TMEM63C: variants seen among roughly 807,000 people sequenced by gnomAD.
The protein encoded by TMEM63C is transmembrane protein 63C.
Under a neutral mutation model 99.2 loss-of-function variants are expected in TMEM63C, and 32 were observed. That is an observed-to-expected ratio of 0.32 (90% CI 0.24 to 0.43). The LOEUF (loss-of-function observed/expected upper bound fraction) is 0.43, where lower values mean the gene tolerates loss of function less well. TMEM63C is among the 20% of genes least tolerant of loss of function. The pLI, the probability that TMEM63C is intolerant of heterozygous loss-of-function variation, is 1.00. For missense variants in TMEM63C, 826 were observed against 1,053.0 expected (o/e 0.78, Z 2.98); for synonymous variants, 376 against 397.9 (o/e 0.94, Z 0.66).
chr14:77,254,913 G>T (rs1418914879), intron 23 of TMEM63C, among the ~76,000 whole-genome samples: 1 of 152,180 alleles, frequency 6.6e-6, no homozygotes, highest in East Asian at 1.9e-4. Flanking sequence ...TATATACTAT[G>T]TATCTCTTCC....
chr14:77,233,528 C>T (rs1458095217), intron 8 of TMEM63C, 28 bp downstream of exon 8: 1 of 1,611,466 alleles, frequency 6.2e-7, no homozygotes. Context: ...ACCTCCCATT[C>T]CATTGGCTGG....
intron 16 of TMEM63C, among the ~76,000 whole-genome samples, chr14:77,244,734 C>T (rs436221): frequency 0.75 from 114,649 of 152,162 alleles, 45,945 homozygotes; most frequent in East Asian, 0.9. Context: ...CTCCCTCAGC[C>T]CCCAGCCATA....
intron 14 of TMEM63C, 82 bp downstream of exon 14, chr14:77,242,551 T>C (rs1889196292): frequency 6.5e-7 from 1 of 1,544,498 alleles, no homozygotes; most frequent in Non-Finnish European, 8.8e-7. Context: ...TCTCTCCCCA[T>C]GTCATTGCCC....
intron 11 of TMEM63C, 41 bp downstream of exon 11, chr14:77,239,533 TA>T (rs750661048): frequency 3.7e-6 from 6 of 1,611,140 alleles, no homozygotes; most frequent in Non-Finnish European, 5.1e-6. Context: ...GGGGTGGGGG[TA>T]AAAGGGGAGG....
At chr14:77,243,294 T>A (rs1035104758) in intron 15 of TMEM63C, among the ~76,000 whole-genome samples, 1 of 151,432 alleles carries the variant, frequency 6.6e-6, no homozygotes, top group Non-Finnish European at 1.5e-5. Flanking sequence ...GAGTGGGGAG[T>A]CCACAGGCAG....
Position 77,256,814 on chromosome 14 carries a change from C to A in TMEM63C, c.*88C>A. On this transcript the variant is annotated 3_prime_UTR_variant, in exon 24 of 24. Transcript: ENST00000298351. Reference sequence around the variant, plus strand: ...GGCAGGAGGGTGGCCTGGACCTCCCCACTACCTCCTGCAGACTTTGAGAAG... The same window carrying A: ...GGCAGGAGGGTGGCCTGGACCTCCCAACTACCTCCTGCAGACTTTGAGAAG... The A allele has an allele frequency of 8.0e-7, 1 of 1,253,592 alleles. No homozygotes were observed. The allele number at this position is 1,253,592 out of a possible 1,614,324, so 77.7% of individuals were successfully genotyped here. A position where few individuals can be genotyped will look rare whatever the true frequency, so the allele number is the denominator to read the frequency against.
chr14:77,231,624 G>A lies in TMEM63C; in HGVS notation c.387G>A (p.Ala129=), dbSNP rs375566. The part of the protein sequence containing the change: ...EDLINKCGDD[A]RIYIVFQYHL... Reference sequence around the variant, plus strand: ...TGATTAACAAGTGTGGGGACGACGCGCGCATCTACATCGTGTTCCAGTACC... The same window carrying A: ...TGATTAACAAGTGTGGGGACGACGCACGCATCTACATCGTGTTCCAGTACC... The change falls in exon 7 of 24, where the codon GCG becomes GCA. Residue 129 remains alanine, a synonymous_variant. Transcript: ENST00000298351. 7.4e-5 allele frequency: 115 copies of A among 1,551,474 alleles called. No homozygotes were observed. Among genetic ancestry groups the A allele is most frequent in the Admixed American group, 9.8e-5 (5 of 50,968 alleles).
chr14:77,228,432 A>G (rs2140116461), intron 6 of TMEM63C, among the ~76,000 whole-genome samples: 1 of 152,218 alleles, frequency 6.6e-6, no homozygotes, highest in African/African-American at 2.4e-5. Flanking sequence ...AGGGAGGGAA[A>G]CGTTTAGCCG....
At chr14:77,244,199 C>G (rs1162141423) in intron 15 of TMEM63C, 150 bp from the exon 16 acceptor site, 1 of 648,376 alleles carries the variant, frequency 1.5e-6, no homozygotes, top group Non-Finnish European at 2.7e-6. Context: ...CAGCCTCTGC[C>G]TGGCCAGGAA....
chr14:77,234,116 G>C, intron 8 of TMEM63C, among the ~76,000 whole-genome samples: 1 of 152,118 alleles, frequency 6.6e-6, no homozygotes, highest in Non-Finnish European at 1.5e-5. Context: ...AATTTGCCCC[G>C]AGCCAAATGT....
At chr14:77,191,538 C>CTTTTTTTTTTTTTTTTTTTTTTTTTTTT (rs71125542) in intron 1 of TMEM63C, among the ~76,000 whole-genome samples, 77 of 82,602 alleles carry the variant, frequency 9.3e-4, no homozygotes, top group East Asian at 1.2e-3. Flanking sequence ...TTTTCTTTTT[C>CTTTTTTTTTTTTTTTTTTTTTTTTTTTT]TTTTTTTTTT....
intron 1 of TMEM63C, among the ~76,000 whole-genome samples, chr14:77,189,433 G>A (rs74855479): frequency 0.13 from 19,823 of 151,884 alleles, 1,583 homozygotes; most frequent in South Asian, 0.19. Flanking sequence ...TTTAATTTTC[G>A]CAAAAAACAC....
Position 77,242,479 on chromosome 14 carries a change from C to T in TMEM63C, c.1187+10C>T, listed in dbSNP as rs779551220. The T allele has an allele frequency of 6.2e-7, 1 of 1,612,862 alleles. No individual in the cohort carries two copies. Among genetic ancestry groups the T allele is most frequent in the South Asian group, 1.1e-5 (1 of 90,838 alleles). The stretch of plus-strand genomic sequence containing the variant: ...CCAAAGACATTATTTGGTAAGCCTC[C>T]TCCATCCCTCCCCTCTCCTCTGAGC... On this transcript the variant is annotated intron_variant, in intron 14 of 23. Transcript: ENST00000298351.
intron 1 of TMEM63C, among the ~76,000 whole-genome samples, chr14:77,185,669 C>T (rs1887982793): frequency 6.6e-6 from 1 of 152,184 alleles, no homozygotes; most frequent in South Asian, 2.1e-4. Flanking sequence ...GGCAATGGAA[C>T]ATGCACCCAG....
chr14:77,211,365 C>T (rs919480453), intron 1 of TMEM63C, among the ~76,000 whole-genome samples: 6 of 152,210 alleles, frequency 3.9e-5, no homozygotes, highest in African/African-American at 1.4e-4. Context: ...TTTTCTCTTG[C>T]ATTTAGGGAT....
intron 17 of TMEM63C, 99 bp from the exon 18 acceptor site, chr14:77,246,510 G>C: frequency 9.8e-7 from 1 of 1,016,926 alleles, no homozygotes; most frequent in Non-Finnish European, 1.5e-6. Flanking sequence ...AATAAAGCAA[G>C]GGTCTTTCTT....
At chr14:77,194,692 G>C (rs577467862) in intron 1 of TMEM63C, among the ~76,000 whole-genome samples, 2 of 151,658 alleles carry the variant, frequency 1.3e-5, no homozygotes, top group African/African-American at 4.8e-5. Flanking sequence ...TCCCACCTCA[G>C]CTTCCCGAGT....
intron 1 of TMEM63C, among the ~76,000 whole-genome samples, chr14:77,208,493 C>T (rs1008764210): frequency 2.0e-5 from 3 of 152,204 alleles, no homozygotes; most frequent in Non-Finnish European, 2.9e-5. Flanking sequence ...CCAGGGAGAT[C>T]GCCTCCTCCT....
chr14:77,231,773 A>C, intron 7 of TMEM63C, 43 bp downstream of exon 7: 2 of 1,549,210 alleles, frequency 1.3e-6, no homozygotes, highest in Non-Finnish European at 1.7e-6. Flanking sequence ...GCTGGACCTG[A>C]GAGGCAGCCA....
Sources: allele counts gnomAD v4.1 joint callset (sites outside exome capture counted in the v4.1 genomes callset), GRCh38; gene constraint gnomAD v4.1.1; transcripts MANE v1.5; gene names NCBI Gene and HGNC (gene_info 2026-07-23, HGNC 2026-07-21).